DENND1A: variants seen among roughly 807,000 people sequenced by gnomAD.
DENND1A encodes the protein DENN domain containing 1A.
A neutral mutation model predicts 113.7 loss-of-function variants in DENND1A; 51 were observed. That is an observed-to-expected ratio of 0.45 (90% CI 0.36 to 0.57). The LOEUF (loss-of-function observed/expected upper bound fraction) is 0.57, where lower values mean the gene tolerates loss of function less well. Among genes scored for constraint, DENND1A ranks in the 20% least tolerant of loss-of-function variants. The pLI, the probability that DENND1A is intolerant of heterozygous loss-of-function variation, is 0.00. For missense variants in DENND1A, 1,258 were observed against 1,395.9 expected (o/e 0.90, Z 1.57); for synonymous variants, 565 against 570.8 (o/e 0.99, Z 0.14).
intron 10 of DENND1A, among the ~76,000 whole-genome samples, chr9:123,616,043 C>T (rs986728945): frequency 1.3e-5 from 2 of 152,164 alleles, no homozygotes; most frequent in South Asian, 2.1e-4. Flanking sequence ...GATTCTCCTG[C>T]CTCAGTCCCT....
chr9:123,477,778 C>T (rs1228021011), intron 13 of DENND1A, among the ~76,000 whole-genome samples: 5 of 152,140 alleles, frequency 3.3e-5, no homozygotes, highest in African/African-American at 2.4e-5. Context: ...TAAATGAACA[C>T]GAGTGCCTCC....
intron 13 of DENND1A, among the ~76,000 whole-genome samples, chr9:123,465,308 ATTTTTTTTTT>A (rs60428558): frequency 1.7e-4 from 14 of 80,120 alleles, no homozygotes; most frequent in Non-Finnish European, 2.3e-4. Flanking sequence ...TTTGTCTTTG[ATTTTTTTTTT>A]TTTTTTTTTT....
chr9:123,433,508 C>T (rs1305832977), intron 19 of DENND1A, among the ~76,000 whole-genome samples: 1 of 152,160 alleles, frequency 6.6e-6, no homozygotes, highest in Non-Finnish European at 1.5e-5. Flanking sequence ...TGTTACTTCA[C>T]CCCACAGACT....
In DENND1A at chr9:123,424,191, G is replaced by C. The variant is rs187122452; in HGVS notation, c.1489-12362C>G. On this transcript the variant is annotated intron_variant, in intron 19 of 23. Coordinates refer to ENST00000394215, the MANE Select transcript of DENND1A (RefSeq NM_001352964.2). ...AAGCAGGCTATTCTGCCCCTGAGCA[G>C]AAACTTCTAGTCTGGGTTGCTGAGG... 3.5e-3 allele frequency among the ~76,000 whole-genome samples: 536 copies of C among 152,282 alleles called. 2 individuals are homozygous for C. Among genetic ancestry groups the C allele is most frequent in the African/African-American group, 0.012 (511 of 41,538 alleles).
intron 10 of DENND1A, among the ~76,000 whole-genome samples, chr9:123,610,375 A>G (rs1204109812): frequency 6.6e-6 from 1 of 152,242 alleles, no homozygotes; most frequent in African/African-American, 2.4e-5. Context: ...TTTACAGAGA[A>G]GGGACTAGGC....
Position 123,381,876 on chromosome 9 carries a change from C to G in DENND1A, c.2769G>C (p.Leu923=), listed in dbSNP as rs1201119022. 1.6e-6 allele frequency: 2 copies of G among 1,269,854 alleles called. No individual in the cohort carries two copies. The highest frequency in any genetic ancestry group is 1.8e-5 in the African/African-American group (1 of 57,018). 78.7% of individuals were successfully genotyped at this position (1,269,854 alleles called of 1,614,324 possible). The change falls in exon 24 of 24, where the codon CTG becomes CTC. Residue 923 remains leucine, a synonymous_variant. Coordinates refer to ENST00000394215, the MANE Select transcript of DENND1A (RefSeq NM_001352964.2). This position sits in a 1 kb window ranked among gnomAD's most constrained non-coding sequence, Gnocchi z 4.7. ...GGAGGCCGGACGCAAAAGCCGGCCC[C>G]AGGGAAGCTGGAGGGGCCCCGAAAG... ...AGPFGAPPAS[L]GPAFASGLLL...
Position 123,887,715 on chromosome 9 carries a change from T to A in DENND1A, c.18-8694A>T, listed in dbSNP as rs562974831. ...GGGCAGGAGGTGTGGAGAACCACCA[T>A]CAAGTCCTTGTGATGCCAAGAAAGC... On this transcript the variant is annotated intron_variant, in intron 1 of 23. Coordinates refer to ENST00000394215, the MANE Select transcript of DENND1A (RefSeq NM_001352964.2). Among the ~76,000 whole-genome samples, 331 of 151,700 alleles carry A rather than the reference T, an allele frequency of 2.2e-3. 3 individuals are homozygous for A. The highest frequency in any genetic ancestry group is 7.6e-3 in the African/African-American group (313 of 41,348).
intron 6 of DENND1A, among the ~76,000 whole-genome samples, chr9:123,674,012 A>G (rs2063894451): frequency 6.6e-6 from 1 of 151,808 alleles, no homozygotes; most frequent in Non-Finnish European, 1.5e-5. Context: ...AGGATCCAAC[A>G]CACCAGCACT....
chr9:123,600,181 T>C (rs2059880016), intron 11 of DENND1A, among the ~76,000 whole-genome samples: 1 of 152,132 alleles, frequency 6.6e-6, no homozygotes, highest in African/African-American at 2.4e-5. Flanking sequence ...TAAAAACAGG[T>C]TGAAAAAGGA....
intron 13 of DENND1A, among the ~76,000 whole-genome samples, chr9:123,489,276 A>G (rs1465656669): frequency 4.6e-5 from 7 of 152,184 alleles, no homozygotes; most frequent in Non-Finnish European, 7.4e-5. Context: ...AGTAAGGGAG[A>G]GAGAGTTTAG....
chr9:123,846,638 C>T (rs991900337), intron 2 of DENND1A, among the ~76,000 whole-genome samples: 1 of 151,960 alleles, frequency 6.6e-6, no homozygotes, highest in Non-Finnish European at 1.5e-5. Context: ...TATGAGGAAA[C>T]TAGAATAGGC....
At chr9:123,401,633 C>A (rs951762063) in intron 21 of DENND1A, 4 of 1,440,930 alleles carry the variant, frequency 2.8e-6, no homozygotes, top group Admixed American at 5.5e-5. Flanking sequence ...TATTTTCCAA[C>A]AGAAGTAGAA....
At chr9:123,589,558 C>T (rs2059355273) in intron 11 of DENND1A, among the ~76,000 whole-genome samples, 1 of 148,838 alleles carries the variant, frequency 6.7e-6, no homozygotes, top group Admixed American at 6.8e-5. Flanking sequence ...CCAACACATT[C>T]CCTCTCTTTT....
At position 123,855,861 on chromosome 9, in the gene DENND1A, A is replaced by G. The variant is rs149282098; in HGVS notation, c.88+23090T>C. On this transcript the variant is annotated intron_variant, in intron 2 of 23. Transcript: ENST00000394215. Reference sequence around the variant, plus strand: ...AAGACCAGCCTGACCAACATGGAGAAACCCCACCTCTGCTAAAAATAGAAA... The same window carrying G: ...AAGACCAGCCTGACCAACATGGAGAGACCCCACCTCTGCTAAAAATAGAAA... 1.4e-3 allele frequency among the ~76,000 whole-genome samples: 214 copies of G among 152,162 alleles called. 1 individual carries two copies. The highest frequency in any genetic ancestry group is 5.0e-3 in the African/African-American group (209 of 41,518).
intron 1 of DENND1A, 54 bp from the exon 2 acceptor site, chr9:123,879,075 G>C: frequency 1.3e-6 from 2 of 1,550,558 alleles, no homozygotes; most frequent in Non-Finnish European, 1.8e-6. Context: ...GCATGGTATA[G>C]AACATGTGGG....
chr9:123,617,752 A>G (rs2060731007), intron 10 of DENND1A, among the ~76,000 whole-genome samples: 1 of 152,208 alleles, frequency 6.6e-6, no homozygotes, highest in South Asian at 2.1e-4. Flanking sequence ...CTGCTGCCAC[A>G]GAGAATTCAA....
At chr9:123,607,541 A>AGTGTGTGT (rs1323832387) in intron 11 of DENND1A, among the ~76,000 whole-genome samples, 1 of 127,036 alleles carries the variant, frequency 7.9e-6, no homozygotes, top group African/African-American at 3.0e-5. Context: ...AGAGAGAGAG[A>AGTGTGTGT]GAGAGAGTGT....
intron 12 of DENND1A, among the ~76,000 whole-genome samples, chr9:123,558,466 C>G (rs563260614): frequency 2.1e-4 from 32 of 152,086 alleles, no homozygotes; most frequent in African/African-American, 6.5e-4. Flanking sequence ...CAAAGAAGCA[C>G]GTAATACATT....
chr9:123,510,138 T>C (rs1166567586), intron 13 of DENND1A, among the ~76,000 whole-genome samples: 1 of 152,258 alleles, frequency 6.6e-6, no homozygotes, highest in Non-Finnish European at 1.5e-5. Flanking sequence ...TTCTCTGCTG[T>C]AGCCCAGGAA....
Sources: allele counts gnomAD v4.1 joint callset (sites outside exome capture counted in the v4.1 genomes callset), GRCh38; gene constraint gnomAD v4.1.1; non-coding constraint Gnocchi (gnomAD v3.1); transcripts MANE v1.5; gene names NCBI Gene and HGNC (gene_info 2026-07-23, HGNC 2026-07-21).